Variants in ASPH observed in about 807,000 individuals in gnomAD.
ASPH encodes aspartate beta-hydroxylase.
Under a neutral mutation model 118.4 loss-of-function variants are expected in ASPH, and 100 were observed. The ratio of observed to expected loss-of-function variants is 0.84; its 90% CI spans 0.72 to 1.00. The LOEUF (loss-of-function observed/expected upper bound fraction) is 1.00. ASPH is among the 50% of genes least tolerant of loss of function. ASPH has a pLI of 0.00. For synonymous variants in ASPH, 315 were observed against 325.6 expected (o/e 0.97, Z 0.35); for missense variants, 920 against 919.5 (o/e 1.00, Z -0.01).
chr8:61,543,911 T>G (rs1011117491), intron 21 of ASPH, among the ~76,000 whole-genome samples: 1 of 152,230 alleles, frequency 6.6e-6, no homozygotes, highest in Non-Finnish European at 1.5e-5. Context: ...AAAAAATACC[T>G]GCCAATAATT....
chr8:61,578,470 T>A, intron 15 of ASPH: 1 of 1,598,344 alleles, frequency 6.3e-7, no homozygotes, highest in South Asian at 1.1e-5. Context: ...GACCCCAACA[T>A]CCAGGCTGTG....
At chr8:61,609,393 G>GGC (rs397714331) in intron 14 of ASPH, among the ~76,000 whole-genome samples, 1 of 64 alleles carries the variant, frequency 0.016, no homozygotes, top group African/African-American at 0.083. Flanking sequence ...CACTGCCTGT[G>GGC]AGATGCCTAA....
chr8:61,643,409 T>C lies in ASPH; in HGVS notation c.734A>G (p.Asp245Gly), dbSNP rs79779124. 5 of 1,605,536 alleles carry C rather than the reference T, an allele frequency of 3.1e-6. No individual in the cohort carries two copies. In the African/African-American group the frequency reaches 5.3e-5, roughly 17 times the overall value. ...NPDSSEPVVE[D>G]ERLHHDTDDV... ...ACCTGTATCATGGTGCAATCTTTCA[T>C]CTTCTACTACTGGTTCACTGGAATC... is the stretch of plus-strand genomic sequence containing the variant. Residue 245 changes from aspartate to glycine, a missense_variant, in exon 9 of 25, where the codon GAT becomes GGT. By Grantham distance (94) the Asp-to-Gly change is moderately conservative. Coordinates refer to ENST00000379454, the MANE Select transcript of ASPH (RefSeq NM_004318.4).
chr8:61,518,887 G>A (rs1482811444), intron 22 of ASPH, among the ~76,000 whole-genome samples: 1 of 152,134 alleles, frequency 6.6e-6, no homozygotes, highest in Non-Finnish European at 1.5e-5. Flanking sequence ...TTCGAGGTTT[G>A]CAGCATTGCA....
intron 22 of ASPH, among the ~76,000 whole-genome samples, chr8:61,518,483 C>T (rs1414240762): frequency 6.6e-6 from 1 of 152,000 alleles, no homozygotes; most frequent in Non-Finnish European, 1.5e-5. Context: ...GTTTTGACTC[C>T]CCAAAAACTT....
At chr8:61,659,071 A>G in intron 3 of ASPH, 1 of 152,394 alleles carries the variant, frequency 6.6e-6, no homozygotes, top group Non-Finnish European at 1.5e-5. Flanking sequence ...CCCGTGGGAG[A>G]GACAAAGGCA....
At chr8:61,511,492 C>G (rs1206419902) in intron 24 of ASPH, among the ~76,000 whole-genome samples, 5 of 152,186 alleles carry the variant, frequency 3.3e-5, no homozygotes, top group Non-Finnish European at 7.3e-5. Context: ...TGGGATCATT[C>G]AAAGCTCACA....
chr8:61,525,957 T>C lies in ASPH; in HGVS notation c.1900+20A>G, dbSNP rs1231960890. On this transcript the variant is annotated intron_variant, in intron 22 of 24. Coordinates refer to ENST00000379454, the MANE Select transcript of ASPH (RefSeq NM_004318.4). ...ATCAGGTTTGGGCTGCAGAGAACCA[T>C]CTAGAAGTCAGAAACTCACCTTGCT... 1 of 1,613,102 alleles carries C rather than the reference T, an allele frequency of 6.2e-7. No homozygotes were observed. Among genetic ancestry groups the C allele is most frequent in the African/African-American group, 1.3e-5 (1 of 74,880 alleles).
intron 14 of ASPH, among the ~76,000 whole-genome samples, chr8:61,593,350 A>C (rs572522934): frequency 9.3e-4 from 141 of 151,352 alleles, no homozygotes; most frequent in African/African-American, 3.3e-3. Flanking sequence ...CTCTTGAAAG[A>C]CTCTCTTACC....
intron 1 of ASPH, among the ~76,000 whole-genome samples, chr8:61,712,502 G>A (rs1003168131): frequency 1.3e-5 from 2 of 152,084 alleles, no homozygotes; most frequent in Non-Finnish European, 2.9e-5. Context: ...TTCGTATCAC[G>A]GGCATTCCTC....
chr8:61,643,000 T>C (rs1208381404), intron 9 of ASPH, 80 bp from the exon 10 acceptor site: 4 of 1,247,476 alleles, frequency 3.2e-6, no homozygotes, highest in Non-Finnish European at 4.4e-6. Context: ...AACAAAATAC[T>C]ACTTAATCGT....
chr8:61,704,402 T>C (rs1018310613), intron 1 of ASPH, among the ~76,000 whole-genome samples: 6 of 151,594 alleles, frequency 4.0e-5, no homozygotes, highest in African/African-American at 9.7e-5. Context: ...AAAATGCTCA[T>C]AGACAAACAT....
intron 21 of ASPH, among the ~76,000 whole-genome samples, chr8:61,528,115 T>G (rs1018820795): frequency 1.3e-5 from 2 of 152,178 alleles, no homozygotes; most frequent in African/African-American, 4.8e-5. Flanking sequence ...TCCTGGTCAT[T>G]TATCCATGTT....
In ASPH at chr8:61,651,126, T is replaced by C. The variant is rs898835958; in HGVS notation, c.416-2A>G. On this transcript the variant is annotated splice_acceptor_variant, in intron 4 of 24. Transcript: ENST00000379454. LOFTEE classifies it high-confidence loss of function. ...CTTCATCTTCGATATTCTGGGGTTCTAAAATAATTGCAAAACATAGCTAAG... is the reference window on the plus strand; with the variant it reads ...CTTCATCTTCGATATTCTGGGGTTCCAAAATAATTGCAAAACATAGCTAAG... 7 of 1,613,030 alleles carry C rather than the reference T, an allele frequency of 4.3e-6. No individual in the cohort carries two copies. Among genetic ancestry groups the C allele is most frequent in the African/African-American group, 1.3e-5 (1 of 74,914 alleles).
At chr8:61,653,852 CTT>C (rs1393064429) in intron 3 of ASPH, among the ~76,000 whole-genome samples, 192 bp from the exon 4 acceptor site, 1 of 152,190 alleles carries the variant, frequency 6.6e-6, no homozygotes. Context: ...GAATATATCT[CTT>C]TGTCTTAGTT....
intron 9 of ASPH, among the ~76,000 whole-genome samples, 162 bp from the exon 10 acceptor site, chr8:61,643,082 A>G (rs981165120): frequency 1.3e-5 from 2 of 152,212 alleles, no homozygotes; most frequent in Admixed American, 1.3e-4. Context: ...CCCAAAAGCA[A>G]TTAAAAGGCA....
intron 14 of ASPH, among the ~76,000 whole-genome samples, chr8:61,606,163 C>T (rs752057207): frequency 1.3e-5 from 2 of 152,192 alleles, no homozygotes; most frequent in Non-Finnish European, 1.5e-5. Flanking sequence ...AAGGCAAAGA[C>T]GCAGTATGAA....
At chr8:61,625,494 T>C in intron 13 of ASPH, 3 of 985,330 alleles carry the variant, frequency 3.0e-6, no homozygotes, top group Non-Finnish European at 3.6e-6. Context: ...CTATAGCTAT[T>C]ATATGATTAA....
intron 24 of ASPH, among the ~76,000 whole-genome samples, chr8:61,506,259 G>GTA (rs1399441721): frequency 3.3e-5 from 5 of 152,186 alleles, no homozygotes; most frequent in Non-Finnish European, 1.5e-5. Context: ...ACACATCTGA[G>GTA]GTCCTAGACT....
Sources: allele counts gnomAD v4.1 joint callset (sites outside exome capture counted in the v4.1 genomes callset), GRCh38; gene constraint gnomAD v4.1.1; transcripts MANE v1.5; gene names NCBI Gene and HGNC (gene_info 2026-07-23, HGNC 2026-07-21).